The following NAV2 variants were observed in gnomAD, a reference collection of about 807,000 sequenced individuals.
The protein encoded by NAV2 is helicase, APC down-regulated 1.
NAV2 carries 54 observed loss-of-function variants against 223.2 expected under a neutral mutation model. That is an observed-to-expected ratio of 0.24 (90% CI 0.19 to 0.30). The LOEUF (loss-of-function observed/expected upper bound fraction) is 0.30. Among genes scored for constraint, NAV2 ranks in the 10% least tolerant of loss-of-function variants. The pLI is 1.00. For missense variants in NAV2, 2,806 were observed against 3,147.5 expected, an observed-to-expected ratio of 0.89 and a Z score of 2.60; for synonymous variants, 1,279 against 1,239.3, an observed-to-expected ratio of 1.03 and a Z score of -0.67.
chr11:19,904,809 G>A (rs1043442642), intron 6 of NAV2, among the ~76,000 whole-genome samples: 2 of 152,180 alleles, frequency 1.3e-5, no homozygotes, highest in African/African-American at 4.8e-5. Context: ...GACCCCAGAG[G>A]TATTCAAATA....
intron 1 of NAV2, among the ~76,000 whole-genome samples, chr11:19,475,081 A>C (rs943512610): frequency 1.3e-5 from 2 of 152,246 alleles, no homozygotes; most frequent in Non-Finnish European, 2.9e-5. Context: ...GCAGCCACAG[A>C]GAAGGGGAGG....
At chr11:19,418,761 T>C (rs373984965) in intron 1 of NAV2, among the ~76,000 whole-genome samples, 1 of 152,118 alleles carries the variant, frequency 6.6e-6, no homozygotes, top group East Asian at 1.9e-4. Flanking sequence ...TCCAAAGCCA[T>C]TGAAGGGCTT....
At chr11:19,781,923 C>T (rs999868921) in intron 1 of NAV2, among the ~76,000 whole-genome samples, 1 of 152,170 alleles carries the variant, frequency 6.6e-6, no homozygotes, top group Non-Finnish European at 1.5e-5. Context: ...GCTCTTTACA[C>T]GTATAGACTG....
At chr11:19,527,404 G>A (rs879277638) in intron 1 of NAV2, among the ~76,000 whole-genome samples, 1 of 152,096 alleles carries the variant, frequency 6.6e-6, no homozygotes, top group South Asian at 2.1e-4. Context: ...GTGTGTCTTT[G>A]TCAGCAGCAT....
At chr11:19,457,481 A>T (rs1416558214) in intron 1 of NAV2, among the ~76,000 whole-genome samples, 1 of 152,190 alleles carries the variant, frequency 6.6e-6, no homozygotes, top group East Asian at 1.9e-4. Flanking sequence ...GGGAAGAGGG[A>T]TGGAGGAGGG....
intron 2 of NAV2, among the ~76,000 whole-genome samples, chr11:19,841,762 C>T (rs1307535086): frequency 2.0e-5 from 3 of 152,118 alleles, no homozygotes; most frequent in African/African-American, 7.2e-5. Context: ...GGAGCCCTAG[C>T]TGAGTTTCCA....
rs2153657828 is a variant in NAV2 at position 20,077,622 on chromosome 11, C to G, written c.5054C>G (p.Thr1685Arg). 1.2e-6 allele frequency: 2 copies of G among 1,613,844 alleles called. No homozygotes were observed. The highest frequency in any genetic ancestry group is 1.7e-6 in the Non-Finnish European group (2 of 1,179,718). ...MTIRLQSLTM[T>R]AEQKDSELNE... ...ATCAGGCTCCAGAGTCTGACCATGA[C>G]AGCTGAGCAGAAGGTAAGGCAGAAA... Residue 1685 changes from threonine to arginine, a missense_variant, in exon 23 of 38, where the codon ACA becomes AGA. Around this residue, in one of 4 missense-constraint regions of NAV2, gnomAD observed 824 missense variants for 1,069.4 expected, o/e 0.77. Coordinates refer to ENST00000349880, the MANE Select transcript of NAV2 (RefSeq NM_145117.5).
chr11:19,714,849 C>T (rs755405621), intron 1 of NAV2, among the ~76,000 whole-genome samples: 3 of 152,176 alleles, frequency 2.0e-5, no homozygotes, highest in Non-Finnish European at 4.4e-5. Context: ...CTCCCCGCTC[C>T]ATTTCCCCCT....
At chr11:19,710,214 G>A (rs2049823786), upstream of NAV2, among the ~76,000 whole-genome samples, 1 of 152,180 alleles carries the variant, frequency 6.6e-6, no homozygotes, top group African/African-American at 2.4e-5. Flanking sequence ...CTAGATGGAT[G>A]CACTCTGAGA....
At chr11:20,020,204 T>G (rs1013998999) in intron 11 of NAV2, among the ~76,000 whole-genome samples, 8 of 152,210 alleles carry the variant, frequency 5.3e-5, no homozygotes, top group African/African-American at 1.9e-4. Flanking sequence ...TGTACTGTAT[T>G]CCAAGAATAA....
chr11:19,467,971 C>T (rs1852427800), intron 1 of NAV2, among the ~76,000 whole-genome samples: 1 of 152,240 alleles, frequency 6.6e-6, no homozygotes, highest in South Asian at 2.1e-4. Flanking sequence ...GAATCAACAG[C>T]GAGTCTTCCA....
chr11:19,587,206 C>T (rs1021362186), intron 1 of NAV2, among the ~76,000 whole-genome samples: 15 of 152,306 alleles, frequency 9.8e-5, no homozygotes, highest in Admixed American at 3.9e-4. Context: ...CTTGGTGTGC[C>T]GTTTGCTAAG....
intron 11 of NAV2, among the ~76,000 whole-genome samples, chr11:20,014,619 A>G (rs2053849310): frequency 6.6e-6 from 1 of 152,160 alleles, no homozygotes; most frequent in African/African-American, 2.4e-5. Context: ...AGCCAGGCAT[A>G]GGCCAGGTGC....
intron 1 of NAV2, among the ~76,000 whole-genome samples, chr11:19,397,247 A>G (rs1328015396): frequency 6.6e-6 from 1 of 152,204 alleles, no homozygotes; most frequent in Non-Finnish European, 1.5e-5. Flanking sequence ...TCCTTCAATT[A>G]TAAGAGGGTT....
intron 29 of NAV2, among the ~76,000 whole-genome samples, chr11:20,094,025 C>G (rs1205933730): frequency 6.6e-6 from 1 of 152,158 alleles, no homozygotes; most frequent in Non-Finnish European, 1.5e-5. Flanking sequence ...AACAAAGCGT[C>G]TGCAGCCAGA....
intron 20 of NAV2, among the ~76,000 whole-genome samples, chr11:20,062,832 C>A (rs1158871209): frequency 6.6e-6 from 1 of 152,030 alleles, no homozygotes; most frequent in Non-Finnish European, 1.5e-5. Context: ...GTAGCTGGGA[C>A]TATAGGCATG....
At chr11:20,022,296 CA>C (rs2054573569) in intron 11 of NAV2, among the ~76,000 whole-genome samples, 1 of 152,112 alleles carries the variant, frequency 6.6e-6, no homozygotes, top group Admixed American at 6.5e-5. Context: ...GGGATTAGTC[CA>C]TGCAACCCCT....
At position 19,497,298 on chromosome 11, in the gene NAV2, T is replaced by C. The variant is rs962349440; in HGVS notation, c.75+146271T>C. Among the ~76,000 whole-genome samples, 34 of 152,204 alleles carry C rather than the reference T, an allele frequency of 2.2e-4. 1 individual carries two copies. The highest frequency in any genetic ancestry group is 8.2e-4 in the African/African-American group (34 of 41,450). On this transcript the variant is annotated intron_variant, in intron 1 of 37. Transcript: ENST00000360655. ...TAGACTGTGCCCAGAACATTGTAAG[T>C]GCCGTATAAGAATTTGTGAAGTAAA...
At chr11:19,872,770 C>T (rs2062602107) in intron 4 of NAV2, among the ~76,000 whole-genome samples, 1 of 152,204 alleles carries the variant, frequency 6.6e-6, no homozygotes, top group Non-Finnish European at 1.5e-5. Context: ...GCACAGACGG[C>T]GGATGCTTGG....
Sources: allele counts gnomAD v4.1 joint callset (sites outside exome capture counted in the v4.1 genomes callset), GRCh38; gene constraint gnomAD v4.1.1; regional missense constraint gnomAD v4.1.1; transcripts MANE v1.5; gene names NCBI Gene and HGNC (gene_info 2026-07-23, HGNC 2026-07-21).